Variants in JPT2 observed in about 807,000 individuals in gnomAD.
JPT2 encodes Jupiter microtubule associated homolog 2.
Under a neutral mutation model 15.9 loss-of-function variants are expected in JPT2, and 9 were observed. That is an observed-to-expected ratio of 0.57 (90% CI 0.34 to 0.99). JPT2 has a LOEUF of 0.99. JPT2 is among the 50% of genes least tolerant of loss of function. The pLI, the probability that JPT2 is intolerant of heterozygous loss-of-function variation, is 0.02. For missense variants in JPT2, 267 were observed against 252.1 expected (o/e 1.06, Z -0.40); for synonymous variants, 95 against 91.7 (o/e 1.04, Z -0.21).
intron 3 of JPT2, among the ~76,000 whole-genome samples, chr16:1,695,050 C>T (rs2037131333): frequency 6.6e-6 from 1 of 152,142 alleles, no homozygotes; most frequent in Non-Finnish European, 1.5e-5. Flanking sequence ...TCACTTGAGC[C>T]CAGGAGTTCC....
chr16:1,689,294 GCA>G (rs1567470314), intron 2 of JPT2: 5 of 151,540 alleles, frequency 3.3e-5, no homozygotes, highest in African/African-American at 1.2e-4. Flanking sequence ...GCTGGGGGTT[GCA>G]CACACAGTTT....
chr16:1,683,122 G>A lies in JPT2; in HGVS notation c.45-2317G>A, dbSNP rs139513439. ...CTCCTGAGTAGCTGGGACTACAGGC[G>A]TCCGCCACCACGCCCGGCTAATTTT... On this transcript the variant is annotated intron_variant, in intron 1 of 4. Coordinates refer to ENST00000248098, the MANE Select transcript of JPT2 (RefSeq NM_144570.3). Among the ~76,000 whole-genome samples, 537 of 152,054 alleles carry A rather than the reference G, an allele frequency of 3.5e-3. 28 individuals carry two copies. The East Asian group carries it at 0.095, about 27-fold the overall frequency.
chr16:1,698,885 C>G lies in JPT2; in HGVS notation c.460C>G (p.Gln154Glu). The change falls in exon 5 of 5, where the codon CAG (glutamine) becomes GAG (glutamate). Residue 154 changes from glutamine (Q) to glutamate (E), a missense_variant. By Grantham distance (29) the Gln-to-Glu change is conservative (BLOSUM62 2). Transcript: ENST00000248098. This position sits in a 1 kb window ranked among gnomAD's most constrained non-coding sequence, Gnocchi z 4.9. ...CAGAAAAGCAGGCCCCGCCAAGGAG[C>G]AGGAGCCCATGCCCACAGTCGACAG... The part of the protein sequence containing the change: ...SARKAGPAKE[Q>E]EPMPTVDSHE... 8 of 1,614,244 alleles carry G rather than the reference C, an allele frequency of 5.0e-6. No individual in the cohort carries two copies. The highest frequency in any genetic ancestry group is 6.8e-6 in the Non-Finnish European group (8 of 1,180,048).
rs929484708 is a variant in JPT2, at chr16:1,683,474, C to T, written c.45-1965C>T. 6 of 1,385,288 alleles carry T rather than the reference C, an allele frequency of 4.3e-6. No homozygotes were observed. In the East Asian group the frequency reaches 1.2e-4, roughly 29 times the overall value. 85.8% of individuals were successfully genotyped at this position (1,385,288 alleles called of 1,614,324 possible). On this transcript the variant is annotated intron_variant, in intron 1 of 4. Transcript: ENST00000248098. The stretch of plus-strand genomic sequence containing the variant: ...AAAAAATAATTTTTCTTAAGTGCAC[C>T]TGTCTTTTTTTTTCTCCCTCCTCAA...
chr16:1,684,905 C>T (rs1433393127), intron 1 of JPT2, among the ~76,000 whole-genome samples: 18 of 135,336 alleles, frequency 1.3e-4, no homozygotes, highest in Non-Finnish European at 2.1e-4. Context: ...AGCGAGACTC[C>T]ATCTCAAAAA....
At chr16:1,684,717 T>C (rs1188007291) in intron 1 of JPT2, among the ~76,000 whole-genome samples, 1 of 151,880 alleles carries the variant, frequency 6.6e-6, no homozygotes, top group Non-Finnish European at 1.5e-5. Context: ...TCCTCCAGCC[T>C]GGGCAACAAG....
chr16:1,680,389 TACTC>T (rs2037012996), intron 1 of JPT2: 8 of 1,080,774 alleles, frequency 7.4e-6, no homozygotes, highest in Non-Finnish European at 5.7e-6. Context: ...ACTAAAGTCA[TACTC>T]ACACTACCCT....
chr16:1,700,072 A>T lies in JPT2; in HGVS notation c.*1074A>T. 4 of 442,956 alleles carry T rather than the reference A, an allele frequency of 9.0e-6. No individual in the cohort carries two copies. The highest frequency in any genetic ancestry group is 6.3e-5 in the South Asian group (4 of 63,882). 27.4% of individuals were successfully genotyped at this position (442,956 alleles called of 1,614,324 possible). ...TCTGGTCTGTTTCTGACACCTTTCC[A>T]GAAAAAAGTCAATTGTTCAGGTACA... On this transcript the variant is annotated 3_prime_UTR_variant, in exon 5 of 5. Coordinates refer to ENST00000248098, the MANE Select transcript of JPT2 (RefSeq NM_144570.3).
At position 1,678,342 on chromosome 16, in the gene JPT2, C is replaced by T. The variant is rs920268424; in HGVS notation, c.30C>T (p.Gly10=). The change falls in exon 1 of 5, where the codon GGC becomes GGT. Residue 10 remains glycine, a synonymous_variant. Coordinates refer to ENST00000248098, the MANE Select transcript of JPT2 (RefSeq NM_144570.3). The part of the protein sequence containing the change: MFQVPDSEG[G]RAGSRAMKPP... ...TCCAGGTCCCGGATAGCGAGGGCGG[C>T]CGCGCCGGCTCCAGGTGCGGCGCGG... 1 of 1,233,542 alleles carries T rather than the reference C, an allele frequency of 8.1e-7. No homozygotes were observed. Among genetic ancestry groups the T allele is most frequent in the Non-Finnish European group, 1.0e-6 (1 of 986,440 alleles). 76.4% of individuals were successfully genotyped at this position (1,233,542 alleles called of 1,614,324 possible). A position where few individuals can be genotyped will look rare whatever the true frequency, so the allele number is the denominator to read the frequency against.
rs778466541 is a variant in JPT2 at position 1,700,187 on chromosome 16, C to T, written c.*1189C>T. On this transcript the variant is annotated 3_prime_UTR_variant, in exon 5 of 5. Coordinates refer to ENST00000248098, the MANE Select transcript of JPT2 (RefSeq NM_144570.3). ...CTCACAAACAAGCTTCCAGAAGAGA[C>T]TAGAGACCTTAGGCCAGGAGATGAA... is the stretch of plus-strand genomic sequence containing the variant. The T allele has an allele frequency of 2.2e-6, 1 of 455,984 alleles. No individual in the cohort carries two copies. The highest frequency in any genetic ancestry group is 2.0e-5 in the African/African-American group (1 of 50,214). 28.2% of individuals were successfully genotyped at this position (455,984 alleles called of 1,614,324 possible).
rs1677283588 is a variant in JPT2 at position 1,699,772 on chromosome 16, G to T, written c.*774G>T. ...TTCCTCTCATCAGCCTTAAGTTTAG[G>T]CGTTTGTTGTTCTCCAGTGATGTAG... On this transcript the variant is annotated 3_prime_UTR_variant, in exon 5 of 5. Transcript: ENST00000248098. 8.6e-6 allele frequency: 2 copies of T among 231,810 alleles called. No homozygotes were observed. Among genetic ancestry groups the T allele is most frequent in the Admixed American group, 1.0e-4 (2 of 19,802 alleles). The allele number at this position is 231,810 out of a possible 1,614,324, so 14.4% of individuals were successfully genotyped here.
rs909570777 is a variant in JPT2 at position 1,680,553 on chromosome 16, A to G, written c.44+2197A>G. On this transcript the variant is annotated intron_variant, in intron 1 of 4. Coordinates refer to ENST00000248098, the MANE Select transcript of JPT2 (RefSeq NM_144570.3). ...ACCAGACGCTGCACATTTGCCACTC[A>G]TCTGAACGGGGTCGAGTCGCAGGGC... 15 of 1,147,928 alleles carry G rather than the reference A, an allele frequency of 1.3e-5. No individual in the cohort carries two copies. In the African/African-American group the frequency reaches 2.3e-4, roughly 17 times the overall value. 71.1% of individuals were successfully genotyped at this position (1,147,928 alleles called of 1,614,324 possible). A position where few individuals can be genotyped will look rare whatever the true frequency, so the allele number is the denominator to read the frequency against.
intron 1 of JPT2, chr16:1,680,201 G>T (rs369667726): frequency 3.7e-5 from 15 of 405,356 alleles, no homozygotes; most frequent in Non-Finnish European, 5.0e-5. Context: ...CCACATCAGT[G>T]GGGGGAGGGA....
At chr16:1,689,975 A>T (rs1031524988) in intron 2 of JPT2, 1 of 152,152 alleles carries the variant, frequency 6.6e-6, no homozygotes, top group Non-Finnish European at 1.5e-5. Flanking sequence ...TATCACCCTG[A>T]AGTCATGTGA....
chr16:1,699,667 A>T lies in JPT2; in HGVS notation c.*669A>T, dbSNP rs529592133. ...TGAAACCTCGGCCTGATCTGATCTC[A>T]TGTTGGAATCTGCCTGTCTTTCACA... On this transcript the variant is annotated 3_prime_UTR_variant, in exon 5 of 5. Transcript: ENST00000248098. 1.9e-5 allele frequency: 5 copies of T among 258,038 alleles called. No individual in the cohort carries two copies. Among genetic ancestry groups the T allele is most frequent in the African/African-American group, 1.1e-4 (5 of 45,364 alleles). 16.0% of individuals were successfully genotyped at this position (258,038 alleles called of 1,614,324 possible). A position where few individuals can be genotyped will look rare whatever the true frequency, so the allele number is the denominator to read the frequency against.
chr16:1,682,703 G>T (rs951448625), intron 1 of JPT2, among the ~76,000 whole-genome samples: 6 of 152,056 alleles, frequency 3.9e-5, no homozygotes, highest in African/African-American at 1.4e-4. Context: ...AATTAGGAGG[G>T]CTGCGTGATT....
intron 2 of JPT2, chr16:1,686,692 GAA>G (rs112284255): frequency 2.9e-5 from 3 of 102,158 alleles, no homozygotes; most frequent in Non-Finnish European, 6.3e-5. Context: ...ATCTCAAAAA[GAA>G]AAAAAAAAAA....
At chr16:1,683,362 C>T (rs539867474) in intron 1 of JPT2, 17 of 605,946 alleles carry the variant, frequency 2.8e-5, no homozygotes, top group Non-Finnish European at 4.1e-5. Flanking sequence ...CCTCCCACCT[C>T]GGCCTCCCAA....
chr16:1,683,823 A>C (rs1375805820), intron 1 of JPT2, among the ~76,000 whole-genome samples: 1 of 152,174 alleles, frequency 6.6e-6, no homozygotes, highest in Non-Finnish European at 1.5e-5. Context: ...TTCCAGTGAG[A>C]TCTAACCTCA....
Sources: gnomAD v4.1 joint callset for allele counts (sites outside exome capture counted in the v4.1 genomes callset) on GRCh38, gnomAD v4.1.1 for gene constraint, Gnocchi (gnomAD v3.1) non-coding constraint, MANE v1.5 for transcripts, NCBI Gene and HGNC (gene_info 2026-07-23, HGNC 2026-07-21) for gene names.